MTCL1: variants seen among roughly 807,000 people sequenced by gnomAD.
The protein encoded by MTCL1 is microtubule crosslinking factor 1.
MTCL1 carries 79 observed loss-of-function variants against 141.4 expected under a neutral mutation model. That is an observed-to-expected ratio of 0.56 (90% CI 0.47 to 0.67). MTCL1 has a LOEUF of 0.67. MTCL1 is among the 30% of genes least tolerant of loss of function. The pLI is 0.00. For synonymous variants in MTCL1, 914 were observed against 875.8 expected (o/e 1.04, Z -0.77); for missense variants, 2,177 against 2,113.9 (o/e 1.03, Z -0.59).
At chr18:8,745,841 C>T (rs1341231635) in intron 4 of MTCL1, among the ~76,000 whole-genome samples, 6 of 152,322 alleles carry the variant, frequency 3.9e-5, no homozygotes, top group African/African-American at 7.2e-5. Context: ...TCCAGAACTT[C>T]TTTCATCTTG....
At chr18:8,805,508 C>T (rs1598744636) in intron 10 of MTCL1, among the ~76,000 whole-genome samples, 1 of 152,264 alleles carries the variant, frequency 6.6e-6, no homozygotes, top group East Asian at 1.9e-4. Context: ...AAATTCCTCC[C>T]ATATATACTT....
chr18:8,722,570 ATGT>A (rs973212738), intron 4 of MTCL1, among the ~76,000 whole-genome samples: 10 of 152,172 alleles, frequency 6.6e-5, no homozygotes, highest in Non-Finnish European at 5.9e-5. Context: ...AGAAAATAAA[ATGT>A]TGTTAAAATC....
At chr18:8,714,696 G>A (rs2096116047), upstream of MTCL1, among the ~76,000 whole-genome samples, 1 of 152,084 alleles carries the variant, frequency 6.6e-6, no homozygotes, top group East Asian at 1.9e-4. Flanking sequence ...CCTCCCACTG[G>A]GTCCCTCCTG....
intron 4 of MTCL1, among the ~76,000 whole-genome samples, chr18:8,749,294 G>A (rs1381647059): frequency 6.6e-6 from 1 of 152,202 alleles, no homozygotes; most frequent in African/African-American, 2.4e-5. Context: ...TCAGGGTGGG[G>A]AGGACAGTAG....
chr18:8,706,461 A>AGGGCTCCTCGCC, exon 1 of MTCL1: 4 of 1,257,408 alleles, frequency 3.2e-6, no homozygotes, highest in Non-Finnish European at 4.0e-6. Context: ...CCGAGCCCCC[A>AGGGCTCCTCGCC]GCGCTCCTCG....
At position 8,790,197 on chromosome 18, in the gene MTCL1, A is replaced by G. The variant is rs374240615; in HGVS notation, c.1888-2801A>G. ...AACAGAAGAGCACGTTTTAAATCCA[A>G]TGACACTGAAGTATGAGCTTCATAT... On this transcript the variant is annotated intron_variant, in intron 7 of 16. Transcript: ENST00000359865. 7.9e-5 allele frequency among the ~76,000 whole-genome samples: 12 copies of G among 152,236 alleles called. No homozygotes were observed. The East Asian group carries it at 1.2e-3, about 15-fold the overall frequency.
In MTCL1 at chr18:8,767,276, T is replaced by C. The variant is rs539681872; in HGVS notation, c.358-10557T>C. Among the ~76,000 whole-genome samples, 38 of 152,320 alleles carry C rather than the reference T, an allele frequency of 2.5e-4. 1 individual carries two copies. In the South Asian group the frequency reaches 5.4e-3, roughly 22 times the overall value. On this transcript the variant is annotated intron_variant, in intron 4 of 16. Coordinates refer to ENST00000359865, the Ensembl canonical transcript of MTCL1. ...GCCCAAGGGGCATCAGTAGCTTTTG[T>C]GGAGTAATGCTAGCCAGTGATGCTT...
intron 12 of MTCL1, among the ~76,000 whole-genome samples, chr18:8,815,625 TA>T (rs59947884): frequency 0.01 from 1,367 of 131,918 alleles, 25 homozygotes; most frequent in East Asian, 0.032. Context: ...TAATAATAAT[TA>T]AAAAAAAAAA....
At chr18:8,784,483 A>G (rs1347386782) in exon 6 of MTCL1, 1 of 1,570,902 alleles carries the variant, frequency 6.4e-7, no homozygotes, top group Non-Finnish European at 8.6e-7. Flanking sequence ...TAGTGACCCT[A>G]AAACACGAGG....
chr18:8,717,689 A>C, intron 1 of MTCL1: 2 of 157,534 alleles, frequency 1.3e-5, no homozygotes, highest in Non-Finnish European at 2.7e-5. Flanking sequence ...AGGGTGATCC[A>C]TCCGGAAGGG....
chr18:8,783,904 C>G lies in MTCL1; in HGVS notation c.792C>G (p.Phe264Leu), dbSNP rs138700640. Reference sequence around the variant, plus strand: ...CACCCAGCATTCCTACCTCACCCTTCGGTGACTCCCTGGAGTCCTCCACTG... The same window carrying G: ...CACCCAGCATTCCTACCTCACCCTTGGGTGACTCCCTGGAGTCCTCCACTG... The change falls in exon 6 of 17, where the codon TTC becomes TTG. Residue 264 changes from phenylalanine to leucine, a missense_variant. Coordinates refer to ENST00000359865, the Ensembl canonical transcript of MTCL1. 14 of 1,613,294 alleles carry G rather than the reference C, an allele frequency of 8.7e-6. No homozygotes were observed. The South Asian group carries it at 1.5e-4, about 18-fold the overall frequency.
intron 4 of MTCL1, among the ~76,000 whole-genome samples, chr18:8,753,768 A>G (rs77329913): frequency 0.017 from 2,562 of 152,300 alleles, 93 homozygotes; most frequent in East Asian, 0.11. Flanking sequence ...GAAATAGTCC[A>G]GGTAGTGTAT....
chr18:8,714,802 C>T (rs574385668), upstream of MTCL1, among the ~76,000 whole-genome samples: 1 of 149,762 alleles, frequency 6.7e-6, no homozygotes, highest in Non-Finnish European at 1.5e-5. Flanking sequence ...ATTTTCTTTT[C>T]TCTTTTTTTT....
At chr18:8,720,174 G>T (rs1319620873) in intron 3 of MTCL1, 164 bp from the exon 3 acceptor site, 3 of 637,860 alleles carry the variant, frequency 4.7e-6, no homozygotes, top group African/African-American at 3.7e-5. Context: ...ATTTTTAAAT[G>T]AATCTCCTCC....
intron 7 of MTCL1, among the ~76,000 whole-genome samples, chr18:8,788,161 C>T (rs1012158150): frequency 6.6e-6 from 1 of 152,190 alleles, no homozygotes; most frequent in Non-Finnish European, 1.5e-5. Context: ...CAGACCCCGC[C>T]GGACTAACTG....
exon 6 of MTCL1, chr18:8,783,696 A>G: frequency 6.2e-7 from 1 of 1,609,162 alleles, no homozygotes; most frequent in Non-Finnish European, 8.5e-7. Context: ...CCCACGGGGG[A>G]AGCAGGCGGG....
chr18:8,709,040 G>A (rs1324404470), intron 1 of MTCL1, among the ~76,000 whole-genome samples: 2 of 151,326 alleles, frequency 1.3e-5, no homozygotes, highest in South Asian at 2.1e-4. Context: ...TCTACAGGTC[G>A]TGGAGCCTGC....
At chr18:8,750,935 C>G (rs1170295546) in intron 4 of MTCL1, among the ~76,000 whole-genome samples, 3 of 152,146 alleles carry the variant, frequency 2.0e-5, no homozygotes, top group Admixed American at 6.5e-5. Flanking sequence ...GATAAAGTTA[C>G]TGGCAAGGCG....
exon 15 of MTCL1, chr18:8,825,583 T>G (rs2076996677): frequency 6.2e-7 from 1 of 1,613,452 alleles, no homozygotes; most frequent in Non-Finnish European, 8.5e-7. Flanking sequence ...GCTACACCCG[T>G]GTCGTCTCCT....
Sources: allele counts gnomAD v4.1 joint callset (sites outside exome capture counted in the v4.1 genomes callset), GRCh38; gene constraint gnomAD v4.1.1; transcripts MANE v1.5; gene names NCBI Gene and HGNC (gene_info 2026-07-23, HGNC 2026-07-21).